Variants in MCRS1 observed in about 807,000 individuals in gnomAD.
MCRS1 encodes microspherule protein 1.
A neutral mutation model predicts 62.9 loss-of-function variants in MCRS1; 22 were observed. That is an observed-to-expected ratio of 0.35 (90% CI 0.25 to 0.50). The LOEUF is 0.50. Among genes scored for constraint, MCRS1 ranks in the 20% least tolerant of loss-of-function variants. The pLI is 0.98. For missense variants in MCRS1, 456 were observed against 601.1 expected (o/e 0.76, Z 2.52); for synonymous variants, 244 against 233.5 (o/e 1.04, Z -0.41).
At chr12:49,566,384 C>T in intron 2 of MCRS1, 169 bp from the exon 3 acceptor site, 1 of 1,574,986 alleles carries the variant, frequency 6.3e-7, no homozygotes, top group Non-Finnish European at 8.6e-7. Context: ...CCCATCTGGG[C>T]TCAGACCTGG....
rs528882226 is a variant in MCRS1 at position 49,564,683 on chromosome 12, G to T, written c.447+54C>A. 3.1e-6 allele frequency: 5 copies of T among 1,602,156 alleles called. No homozygotes were observed. The Admixed American group carries it at 8.4e-5, about 27-fold the overall frequency. The stretch of plus-strand genomic sequence containing the variant: ...GGCCCTGTTGGGCTAATTTTGGGGT[G>T]CGAACTGGAGGTTGGGGGAAAGGGG... On this transcript the variant is annotated intron_variant, in intron 5 of 14. Transcript: ENST00000343810.
Position 49,565,925 on chromosome 12 carries a change from T to C in MCRS1, c.149+152A>G, listed in dbSNP as rs1939033427. 3.3e-6 allele frequency: 4 copies of C among 1,228,786 alleles called. No homozygotes were observed. In the African/African-American group the frequency reaches 6.1e-5, roughly 19 times the overall value. 76.1% of individuals were successfully genotyped at this position (1,228,786 alleles called of 1,614,324 possible). Reference sequence around the variant, plus strand: ...TGCCCTCAGTCCCACAGGGAAGGATTTAGCAGGGACAGGAAAAGCACAAGG... The same window carrying C: ...TGCCCTCAGTCCCACAGGGAAGGATCTAGCAGGGACAGGAAAAGCACAAGG... On this transcript the variant is annotated intron_variant, in intron 3 of 14. Transcript: ENST00000343810.
chr12:49,566,696 G>C, intron 2 of MCRS1, 26 bp downstream of exon 2: 1 of 1,613,898 alleles, frequency 6.2e-7, no homozygotes. Flanking sequence ...CCGAGCATTT[G>C]GGGAGCTGTC....
intron 6 of MCRS1, 135 bp downstream of exon 6, chr12:49,564,346 G>A: frequency 4.4e-6 from 3 of 676,998 alleles, no homozygotes; most frequent in South Asian, 1.9e-5. Flanking sequence ...TCAGGCCTCA[G>A]TATCACCCCC....
chr12:49,560,229 G>A, intron 9 of MCRS1, 66 bp downstream of exon 9: 2 of 1,543,618 alleles, frequency 1.3e-6, no homozygotes, highest in Non-Finnish European at 1.8e-6. Context: ...TGGGCAGCCT[G>A]GGGCGCTCTA....
At chr12:49,565,291 T>C (rs919609237) in intron 4 of MCRS1, 78 of 985,262 alleles carry the variant, frequency 7.9e-5, no homozygotes, top group Non-Finnish European at 8.2e-5. Flanking sequence ...GCATGCTCCA[T>C]GCCTCCCACA....
chr12:49,563,332 G>A (rs1938876079), intron 7 of MCRS1, 106 bp downstream of exon 7: 1 of 1,356,778 alleles, frequency 7.4e-7, no homozygotes, highest in African/African-American at 1.4e-5. Flanking sequence ...GTGTGCATGT[G>A]CACATATCCA....
At position 49,563,094 on chromosome 12, in the gene MCRS1, G is replaced by A. The variant is rs1426197071; in HGVS notation, c.712C>T (p.His238Tyr). Residue 238 changes from histidine (H) to tyrosine (Y), a missense_variant, in exon 8 of 15, where the codon CAC (histidine) becomes TAC (tyrosine). By Grantham distance (83) the His-to-Tyr change is moderately conservative. This residue lies in a region of MCRS1 where 393 missense variants were observed against 523.5 expected (regional missense o/e 0.75). Transcript: ENST00000343810. ...CGGGCCAGGTAGAAGGCATCAGGGT[G>A]TCTGTGCAGCAGGTCCTGGAAGGTC... is the stretch of plus-strand genomic sequence containing the variant. The part of the protein sequence containing the change: ...LETFQDLLHR[H>Y]PDAFYLARTA... 5 of 1,567,344 alleles carry A rather than the reference G, an allele frequency of 3.2e-6. No individual in the cohort carries two copies. The highest frequency in any genetic ancestry group is 4.3e-6 in the Non-Finnish European group (5 of 1,154,408).
At position 49,564,598 on chromosome 12, in the gene MCRS1, G is replaced by A. The variant is rs990679182; in HGVS notation, c.448-8C>T. On this transcript the variant is annotated splice_region_variant and splice_polypyrimidine_tract_variant and intron_variant, in intron 5 of 14. Coordinates refer to ENST00000343810, the MANE Select transcript of MCRS1 (RefSeq NM_006337.5). Reference sequence around the variant, plus strand: ...GGAGGTCAGGTCGTTGGTCTGCAAGGCCCCAGAAGGATTTGCTCCAGCCTT... The same window carrying A: ...GGAGGTCAGGTCGTTGGTCTGCAAGACCCCAGAAGGATTTGCTCCAGCCTT... 1 of 1,608,632 alleles carries A rather than the reference G, an allele frequency of 6.2e-7. No individual in the cohort carries two copies. The highest frequency in any genetic ancestry group is 2.2e-5 in the East Asian group (1 of 44,500).
In MCRS1 at chr12:49,559,427, GA is replaced by G; in HGVS notation, c.1086+25del. 1 of 1,613,804 alleles carries G rather than the reference GA, an allele frequency of 6.2e-7. No individual in the cohort carries two copies. Among genetic ancestry groups the G allele is most frequent in the Non-Finnish European group, 8.5e-7 (1 of 1,179,840 alleles). On this transcript the variant is annotated intron_variant, in intron 12 of 14. Coordinates refer to ENST00000343810, the MANE Select transcript of MCRS1 (RefSeq NM_006337.5). This position sits in a 1 kb window ranked among gnomAD's most constrained non-coding sequence, Gnocchi z 5.2. ...GGCACTGACAGAGGAAGCAGCCTAA[GA>G]AGGGCGGGGATGGGCCTGCCTCACC...
At chr12:49,566,382 G>T in intron 2 of MCRS1, 167 bp from the exon 3 acceptor site, 1 of 1,574,980 alleles carries the variant, frequency 6.3e-7, no homozygotes, top group Non-Finnish European at 8.6e-7. Flanking sequence ...ATCCCATCTG[G>T]GCTCAGACCT....
intron 6 of MCRS1, 25 bp from the exon 7 acceptor site, chr12:49,563,571 G>C: frequency 1.3e-6 from 2 of 1,566,928 alleles, no homozygotes; most frequent in Non-Finnish European, 1.7e-6. Context: ...AGACAGAGGG[G>C]AGGGGTGAAG....
rs922155258 is a variant in MCRS1 at position 49,566,106 on chromosome 12, G to C, written c.120C>G (p.Gly40=). ...AGGAGCTTCTCCGTTTAGGGATGGTGCCCAAGGCCTGGGAGGAGGCTCGCT... is the reference window on the plus strand; with the variant it reads ...AGGAGCTTCTCCGTTTAGGGATGGTCCCCAAGGCCTGGGAGGAGGCTCGCT... ...GQKRASSQAL[G]TIPKRRSSSR... Residue 40 remains glycine, a synonymous_variant, in exon 3 of 15, where the codon GGC becomes GGG. Transcript: ENST00000343810. The C allele has an allele frequency of 3.7e-6, 6 of 1,614,088 alleles. No individual in the cohort carries two copies. The African/African-American group carries it at 6.7e-5, about 18-fold the overall frequency.
Position 49,564,488 on chromosome 12 carries a change from T to TG in MCRS1, c.549dup (p.Ile184HisfsTer27). On this transcript the variant is annotated frameshift_variant, in exon 6 of 15. Transcript: ENST00000343810. LOFTEE classifies it high-confidence loss of function. ...GAACCAGCTCCCACTCACTTGGAGA[T>TG]GACAGGATCGTAGAGCAGGGCGTAC... is the stretch of plus-strand genomic sequence containing the variant. 6.2e-7 allele frequency: 1 copy of TG among 1,612,434 alleles called. No individual in the cohort carries two copies. The highest frequency in any genetic ancestry group is 8.5e-7 in the Non-Finnish European group (1 of 1,178,992).
At chr12:49,567,420 C>T (rs1939119812) in intron 1 of MCRS1, among the ~76,000 whole-genome samples, 1 of 151,898 alleles carries the variant, frequency 6.6e-6, no homozygotes, top group Admixed American at 6.6e-5. Flanking sequence ...CGCTGTGCCC[C>T]AACAACCCCT....
intron 9 of MCRS1, 56 bp downstream of exon 9, chr12:49,560,239 A>ACCC (rs1361444326): frequency 6.3e-7 from 1 of 1,577,584 alleles, no homozygotes; most frequent in African/African-American, 1.3e-5. Flanking sequence ...GGGGCGCTCT[A>ACCC]CCTGACAGGA....
chr12:49,560,260 T>C, intron 9 of MCRS1, 35 bp downstream of exon 9: 1 of 1,603,526 alleles, frequency 6.2e-7, no homozygotes, highest in South Asian at 1.1e-5. Context: ...GTGACTCGGC[T>C]CTCTCCACCC....
At chr12:49,561,082 C>T (rs926612444) in intron 8 of MCRS1, among the ~76,000 whole-genome samples, 2 of 151,932 alleles carry the variant, frequency 1.3e-5, no homozygotes, top group Non-Finnish European at 2.9e-5. Context: ...GAAAGGAAGT[C>T]GGGAACAGTG....
chr12:49,565,732 G>GC (rs1302859046), intron 3 of MCRS1, 65 bp from the exon 4 acceptor site: 2 of 1,608,662 alleles, frequency 1.2e-6, no homozygotes, highest in African/African-American at 1.3e-5. Context: ...CACACCCCCA[G>GC]CCCCCAAAAG....
Sources: gnomAD v4.1 joint callset for allele counts (sites outside exome capture counted in the v4.1 genomes callset) on GRCh38, gnomAD v4.1.1 for gene constraint, gnomAD v4.1.1 regional missense constraint, Gnocchi (gnomAD v3.1) non-coding constraint, MANE v1.5 for transcripts, NCBI Gene and HGNC (gene_info 2026-07-23, HGNC 2026-07-21) for gene names.